The following ETFA variants were observed in gnomAD, a reference collection of about 807,000 sequenced individuals.
ETFA encodes the protein electron transfer flavoprotein subunit alpha, mitochondrial.
A neutral mutation model predicts 46.2 loss-of-function variants in ETFA; 22 were observed. That is an observed-to-expected ratio of 0.48 (90% CI 0.34 to 0.68). ETFA has a LOEUF of 0.68. Ranked by LOEUF, ETFA falls within the 30% of genes least tolerant of loss-of-function variation. ETFA has a pLI of 0.01. For synonymous variants in ETFA, 131 were observed against 139.9 expected (o/e 0.94, Z 0.45); for missense variants, 345 against 401.1 (o/e 0.86, Z 1.19).
intron 9 of ETFA, among the ~76,000 whole-genome samples, chr15:76,235,919 G>A (rs552215040): frequency 6.3e-4 from 96 of 152,320 alleles, no homozygotes; most frequent in Non-Finnish European, 9.0e-4. Flanking sequence ...TTTAAAGCAG[G>A]TTTTAATGGT....
intron 4 of ETFA, among the ~76,000 whole-genome samples, chr15:76,291,705 G>C (rs1178765588): frequency 7.6e-6 from 1 of 132,434 alleles, no homozygotes; most frequent in African/African-American, 2.5e-5. Context: ...GAGCCGAGAT[G>C]GCGCCACTGC....
chr15:76,259,755 G>A (rs992784162), intron 9 of ETFA: 22 of 1,599,302 alleles, frequency 1.4e-5, no homozygotes, highest in African/African-American at 1.2e-4. Context: ...GCCAGGTCTC[G>A]GTGGATGAAG....
At chr15:76,231,245 T>G in intron 10 of ETFA, 88 bp downstream of exon 10, 1 of 829,798 alleles carries the variant, frequency 1.2e-6, no homozygotes, top group South Asian at 1.3e-5. Context: ...CTTGACTACA[T>G]GCATTGTAAC....
chr15:76,256,495 C>T (rs761198142), intron 9 of ETFA, among the ~76,000 whole-genome samples: 20 of 152,140 alleles, frequency 1.3e-4, no homozygotes, highest in Non-Finnish European at 2.6e-4. Context: ...ATCTGACAGG[C>T]ATTTGCATTT....
At chr15:76,267,954 G>A (rs1029416531) in intron 9 of ETFA, among the ~76,000 whole-genome samples, 1 of 152,146 alleles carries the variant, frequency 6.6e-6, no homozygotes, top group Non-Finnish European at 1.5e-5. Context: ...TCTATCATGA[G>A]CCACAGCATC....
At chr15:76,236,543 A>T (rs1283391059) in intron 9 of ETFA, among the ~76,000 whole-genome samples, 1 of 152,204 alleles carries the variant, frequency 6.6e-6, no homozygotes, top group Non-Finnish European at 1.5e-5. Context: ...ACAGAATGGC[A>T]TTGTCTTATG....
intron 9 of ETFA, among the ~76,000 whole-genome samples, chr15:76,244,673 AAAAC>A (rs2039227705): frequency 6.6e-6 from 1 of 152,088 alleles, no homozygotes; most frequent in Non-Finnish European, 1.5e-5. Context: ...GGAAAAAAAA[AAAAC>A]AAAATTACAT....
chr15:76,310,769 A>G (rs1034614795), intron 1 of ETFA, among the ~76,000 whole-genome samples: 1 of 152,234 alleles, frequency 6.6e-6, no homozygotes, highest in African/African-American at 2.4e-5. Flanking sequence ...TTTTACAAAT[A>G]CAATCACCTA....
chr15:76,283,941 A>C (rs2039680223), intron 7 of ETFA, 116 bp from the exon 8 acceptor site: 2 of 719,586 alleles, frequency 2.8e-6, no homozygotes, highest in South Asian at 3.2e-5. Context: ...CATATTAAGC[A>C]TGTCACCTCC....
At chr15:76,263,285 T>C (rs2039436240) in intron 9 of ETFA, among the ~76,000 whole-genome samples, 1 of 152,186 alleles carries the variant, frequency 6.6e-6, no homozygotes, top group Non-Finnish European at 1.5e-5. Context: ...CCGGACTTTG[T>C]AGCCCCCATG....
intron 2 of ETFA, among the ~76,000 whole-genome samples, chr15:76,293,069 G>A (rs543049339): frequency 8.5e-5 from 13 of 152,272 alleles, no homozygotes; most frequent in South Asian, 2.1e-4. Flanking sequence ...CCCAGGAGGC[G>A]GAGGTTACAG....
chr15:76,246,815 G>A (rs566861196), intron 9 of ETFA, among the ~76,000 whole-genome samples: 1 of 151,582 alleles, frequency 6.6e-6, no homozygotes, highest in South Asian at 2.1e-4. Flanking sequence ...CCTGGGCTAC[G>A]GAGCCAAGAC....
chr15:76,250,544 C>T (rs1035443980), intron 9 of ETFA, among the ~76,000 whole-genome samples: 1 of 151,892 alleles, frequency 6.6e-6, no homozygotes, highest in African/African-American at 2.4e-5. Flanking sequence ...ATAATGGCTA[C>T]TTTTTTCCTT....
chr15:76,238,810 TCTC>T (rs1379951108), intron 9 of ETFA, among the ~76,000 whole-genome samples: 4 of 152,338 alleles, frequency 2.6e-5, no homozygotes, highest in African/African-American at 9.6e-5. Context: ...TTAAGTCTCT[TCTC>T]TTTTTGGAAG....
chr15:76,266,081 T>C (rs2039467459), intron 9 of ETFA, among the ~76,000 whole-genome samples: 1 of 152,172 alleles, frequency 6.6e-6, no homozygotes, highest in Non-Finnish European at 1.5e-5. Context: ...GTATTTGTCA[T>C]TAAGAAAAAA....
intron 5 of ETFA, 121 bp downstream of exon 5, chr15:76,287,725 C>T (rs535075886): frequency 1.7e-5 from 13 of 767,188 alleles, no homozygotes; most frequent in Admixed American, 1.3e-4. Flanking sequence ...TCCTCAGAAA[C>T]CTTTAAGATG....
chr15:76,298,825 C>A (rs2039853236), intron 1 of ETFA, among the ~76,000 whole-genome samples: 2 of 151,944 alleles, frequency 1.3e-5, no homozygotes. Flanking sequence ...TCTCAAAAGA[C>A]CTCTTTTCCT....
chr15:76,244,486 T>C (rs2039225649), intron 9 of ETFA, among the ~76,000 whole-genome samples: 1 of 152,196 alleles, frequency 6.6e-6, no homozygotes, highest in Admixed American at 6.5e-5. Context: ...TCTTCTTCTC[T>C]ACACCTCAGT....
chr15:76,244,310 A>G (rs62030240), intron 9 of ETFA, among the ~76,000 whole-genome samples: 1 of 152,196 alleles, frequency 6.6e-6, no homozygotes, highest in Admixed American at 6.5e-5. Flanking sequence ...TATGGAAAAT[A>G]GTAATGCCAG....
Sources: gnomAD v4.1 joint callset for allele counts (sites outside exome capture counted in the v4.1 genomes callset) on GRCh38, gnomAD v4.1.1 for gene constraint, MANE v1.5 for transcripts, NCBI Gene and HGNC (gene_info 2026-07-23, HGNC 2026-07-21) for gene names.